The following SLC9A9 variants were observed in gnomAD, a reference collection of about 807,000 sequenced individuals.
SLC9A9 encodes sodium/hydrogen exchanger 9.
In SLC9A9, 62 loss-of-function variants were observed where a neutral mutation model predicts 77.8. The observed-to-expected ratio is 0.80, with a 90% CI of 0.65 to 0.98. The LOEUF (loss-of-function observed/expected upper bound fraction) is 0.98. Among genes scored for constraint, SLC9A9 ranks in the 50% least tolerant of loss-of-function variants. SLC9A9 has a pLI of 0.00. For synonymous variants in SLC9A9, 320 were observed against 283.5 expected (o/e 1.13, Z -1.29); for missense variants, 775 against 774.9 (o/e 1.00, Z 0.00).
In SLC9A9 at chr3:143,495,366, A is replaced by G. The variant is rs1559939994; in HGVS notation, c.1172T>C (p.Ile391Thr). ...GLALFTFQNH[I>T]FNALFILGAF... ...TCCAAGTATAAAAAGAGCATTAAAG[A>G]TATGATTCTGGAACGTGAACAGTGC... is the stretch of plus-strand genomic sequence containing the variant. The change falls in exon 10 of 16, where the codon ATC becomes ACC. Residue 391 changes from isoleucine (I) to threonine (T), a missense_variant. By Grantham distance (89) the Ile-to-Thr change is moderately conservative. Transcript: ENST00000316549. 2 of 1,614,128 alleles carry G rather than the reference A, an allele frequency of 1.2e-6. No homozygotes were observed. Among genetic ancestry groups the G allele is most frequent in the Non-Finnish European group, 1.7e-6 (2 of 1,179,948 alleles).
chr3:143,740,941 C>T (rs1216230207), intron 4 of SLC9A9, among the ~76,000 whole-genome samples: 2 of 152,036 alleles, frequency 1.3e-5, no homozygotes, highest in Non-Finnish European at 2.9e-5. Context: ...ATTTACAGAT[C>T]AGCAAGGGGA....
At chr3:143,526,123 C>A (rs1383263836) in intron 9 of SLC9A9, among the ~76,000 whole-genome samples, 1 of 152,178 alleles carries the variant, frequency 6.6e-6, no homozygotes, top group African/African-American at 2.4e-5. Flanking sequence ...AGCTTTTGGC[C>A]AGTGGCTGTG....
rs531884299 is a variant in SLC9A9 at position 143,364,862 on chromosome 3, C to T, written c.1525-1299G>A. ...TGATTTTTCAAGTCTTGCATTTTTC[C>T]AAACAGTGTCCCCTAGAGAATCACT... On this transcript the variant is annotated intron_variant, in intron 13 of 15. Coordinates refer to ENST00000316549, the MANE Select transcript of SLC9A9 (RefSeq NM_173653.4). 4.6e-5 allele frequency among the ~76,000 whole-genome samples: 7 copies of T among 152,204 alleles called. No individual in the cohort carries two copies. The South Asian group carries it at 1.5e-3, about 32-fold the overall frequency.
intron 4 of SLC9A9, among the ~76,000 whole-genome samples, chr3:143,723,063 AC>A (rs1227021173): frequency 6.6e-6 from 1 of 151,022 alleles, no homozygotes; most frequent in Non-Finnish European, 1.5e-5. Flanking sequence ...TCTCCACTTC[AC>A]TCCTCCCTAG....
At position 143,360,727 on chromosome 3, in the gene SLC9A9, A is replaced by T. The variant is rs189381933; in HGVS notation, c.1604+2757T>A. ...CTGGTTTTATTGATAACAATGGTAAATTAAGAGGGGTTTTCTATCTTTGAG... is the reference window on the plus strand; with the variant it reads ...CTGGTTTTATTGATAACAATGGTAATTTAAGAGGGGTTTTCTATCTTTGAG... On this transcript the variant is annotated intron_variant, in intron 14 of 15. Coordinates refer to ENST00000316549, the MANE Select transcript of SLC9A9 (RefSeq NM_173653.4). 6.2e-3 allele frequency among the ~76,000 whole-genome samples: 952 copies of T among 152,356 alleles called. 9 individuals carry two copies. Among genetic ancestry groups the T allele is most frequent in the South Asian group, 0.025 (119 of 4,830 alleles).
chr3:143,652,494 T>C (rs1386084181), intron 5 of SLC9A9, 134 bp from the exon 6 acceptor site: 6 of 723,134 alleles, frequency 8.3e-6, no homozygotes, highest in Non-Finnish European at 1.5e-5. Flanking sequence ...ACACCAGACC[T>C]TTATTCAAAA....
At chr3:143,674,937 G>A (rs2039214358) in intron 5 of SLC9A9, among the ~76,000 whole-genome samples, 1 of 151,816 alleles carries the variant, frequency 6.6e-6, no homozygotes, top group Admixed American at 6.6e-5. Flanking sequence ...TATATTCATC[G>A]GGGCTGTGGA....
intron 6 of SLC9A9, among the ~76,000 whole-genome samples, chr3:143,594,837 C>G (rs1015482047): frequency 6.6e-6 from 1 of 152,208 alleles, no homozygotes; most frequent in Non-Finnish European, 1.5e-5. Flanking sequence ...ATTCGCTTCC[C>G]TCCAGACTTT....
rs1474962683 is a variant in SLC9A9, at chr3:143,449,779, T to TTA, written c.1469+17256_1469+17257dup. ...TACAAGTATATATAATTATATATAT[T>TTA]TATATATAATTATATATATTTTATA... On this transcript the variant is annotated intron_variant, in intron 12 of 15. Coordinates refer to ENST00000316549, the MANE Select transcript of SLC9A9 (RefSeq NM_173653.4). Among the ~76,000 whole-genome samples the TTA allele has an allele frequency of 2.3e-5, 2 of 88,354 alleles. 1 individual carries two copies. Among genetic ancestry groups the TTA allele is most frequent in the Non-Finnish European group, 3.9e-5 (2 of 51,272 alleles). 58.0% of individuals were successfully genotyped at this position (88,354 alleles called of 152,430 possible).
At chr3:143,844,745 CTTTCTTTCTTTCTTTCT>C (rs2009790431) in intron 1 of SLC9A9, among the ~76,000 whole-genome samples, 1 of 145,950 alleles carries the variant, frequency 6.9e-6, no homozygotes, top group Non-Finnish European at 1.5e-5. Context: ...TTCTTTCTTT[CTTTCTTTCTTTCTTTCT>C]TTCTTTCTTT....
chr3:143,439,889 T>C (rs544256608), intron 12 of SLC9A9, among the ~76,000 whole-genome samples: 2 of 152,144 alleles, frequency 1.3e-5, no homozygotes, highest in Admixed American at 6.5e-5. Context: ...GTGGCCCTTC[T>C]AAAGCTCAGG....
At chr3:143,291,354 A>T (rs886213362) in intron 14 of SLC9A9, among the ~76,000 whole-genome samples, 12 of 152,186 alleles carry the variant, frequency 7.9e-5, no homozygotes, top group African/African-American at 2.7e-4. Context: ...GTTCCTGCTG[A>T]CTAAAACCTT....
intron 12 of SLC9A9, among the ~76,000 whole-genome samples, chr3:143,403,575 G>A (rs138544993): frequency 7.1e-4 from 108 of 151,936 alleles, no homozygotes; most frequent in African/African-American, 2.5e-3. Flanking sequence ...TTGGAAATGT[G>A]ACTTTGTTTT....
chr3:143,606,764 T>TA (rs953018011), intron 6 of SLC9A9, among the ~76,000 whole-genome samples: 3 of 149,864 alleles, frequency 2.0e-5, no homozygotes, highest in Non-Finnish European at 3.0e-5. Context: ...GAACACAGGT[T>TA]AAAAAACAAA....
chr3:143,611,173 T>C (rs1474692937), intron 6 of SLC9A9, among the ~76,000 whole-genome samples: 1 of 152,188 alleles, frequency 6.6e-6, no homozygotes, highest in Non-Finnish European at 1.5e-5. Flanking sequence ...AATTTCAAAA[T>C]TGGAACATAA....
chr3:143,438,700 A>C (rs1449132653), intron 12 of SLC9A9, among the ~76,000 whole-genome samples: 1 of 152,214 alleles, frequency 6.6e-6, no homozygotes, highest in East Asian at 1.9e-4. Flanking sequence ...TCTCTGCTCC[A>C]TCCAGTGCCT....
chr3:143,432,383 C>T (rs1693256819), intron 12 of SLC9A9, among the ~76,000 whole-genome samples: 2 of 152,136 alleles, frequency 1.3e-5, no homozygotes, highest in African/African-American at 2.4e-5. Flanking sequence ...CTCAACTAGA[C>T]TAGGCTCATT....
chr3:143,422,369 T>C (rs1034594485), intron 12 of SLC9A9, among the ~76,000 whole-genome samples: 1 of 152,140 alleles, frequency 6.6e-6, no homozygotes, highest in Non-Finnish European at 1.5e-5. Flanking sequence ...CAACGGTGGA[T>C]TGGATAAAGA....
At chr3:143,492,153 G>A (rs915819090) in intron 11 of SLC9A9, among the ~76,000 whole-genome samples, 9 of 151,948 alleles carry the variant, frequency 5.9e-5, no homozygotes, top group South Asian at 2.1e-4. Flanking sequence ...TTAGCCGGGC[G>A]TGGTGGCAGG....
Sources: allele counts gnomAD v4.1 joint callset (sites outside exome capture counted in the v4.1 genomes callset), GRCh38; gene constraint gnomAD v4.1.1; transcripts MANE v1.5; gene names NCBI Gene and HGNC (gene_info 2026-07-23, HGNC 2026-07-21).